TRAPPC9: variants seen among roughly 807,000 people sequenced by gnomAD.
TRAPPC9 encodes IKK2 binding protein.
In TRAPPC9, 83 loss-of-function variants were observed where a neutral mutation model predicts 124.0. That is an observed-to-expected ratio of 0.67 (90% CI 0.56 to 0.80). The LOEUF (loss-of-function observed/expected upper bound fraction) is 0.80. Ranked by LOEUF, TRAPPC9 falls within the 30% of genes least tolerant of loss-of-function variation. The pLI is 0.00. For missense variants in TRAPPC9, 1,302 were observed against 1,508.3 expected (o/e 0.86, Z 2.27); for synonymous variants, 638 against 617.5 (o/e 1.03, Z -0.49).
chr8:139,974,666 G>C (rs576406794), intron 19 of TRAPPC9, among the ~76,000 whole-genome samples: 2 of 152,052 alleles, frequency 1.3e-5, no homozygotes, highest in Non-Finnish European at 2.9e-5. Flanking sequence ...CATCCCTGTA[G>C]ACAAGGGAGG....
At chr8:140,237,531 C>G (rs933949283) in intron 16 of TRAPPC9, among the ~76,000 whole-genome samples, 1 of 151,888 alleles carries the variant, frequency 6.6e-6, no homozygotes, top group Non-Finnish European at 1.5e-5. Flanking sequence ...AGGAGCCAGG[C>G]AGTGTTTTTT....
chr8:140,237,921 G>C (rs770473683), intron 16 of TRAPPC9, among the ~76,000 whole-genome samples: 3 of 152,186 alleles, frequency 2.0e-5, no homozygotes, highest in African/African-American at 4.8e-5. Context: ...GCAGTGACGC[G>C]GACACGAGGA....
In TRAPPC9 at chr8:140,084,989, A is replaced by G. The variant is rs117181837; in HGVS notation, c.2557-60910T>C. Among the ~76,000 whole-genome samples, 345 of 152,320 alleles carry G rather than the reference A, an allele frequency of 2.3e-3. 4 individuals carry two copies. In the East Asian group the frequency reaches 0.03, roughly 13 times the overall value. On this transcript the variant is annotated intron_variant, in intron 17 of 22. Coordinates refer to ENST00000438773, the MANE Select transcript of TRAPPC9 (RefSeq NM_001160372.4). ...AGCGTTAGGCTGGACTCCGAGGCCT[A>G]TGCTCGCAACGCTCGACTCTGAAAG...
chr8:140,343,958 T>C (rs1289178477), intron 9 of TRAPPC9, among the ~76,000 whole-genome samples: 1 of 151,040 alleles, frequency 6.6e-6, no homozygotes, highest in Non-Finnish European at 1.5e-5. Flanking sequence ...CGAGACAGAG[T>C]GGAGGGAACG....
chr8:139,957,175 C>T (rs924496519), intron 19 of TRAPPC9, among the ~76,000 whole-genome samples: 13 of 152,232 alleles, frequency 8.5e-5, no homozygotes, highest in African/African-American at 2.9e-4. Flanking sequence ...CACCCTAGTC[C>T]GGAAGCTTGG....
At chr8:140,149,804 C>A (rs1201867152) in intron 17 of TRAPPC9, among the ~76,000 whole-genome samples, 2 of 144,914 alleles carry the variant, frequency 1.4e-5, no homozygotes, top group African/African-American at 5.2e-5. Context: ...GAAAGGTCTG[C>A]TCGCCTTGAC....
Position 140,183,938 on chromosome 8 carries a change from A to G in TRAPPC9, c.2556+37521T>C, listed in dbSNP as rs1357951797. Among the ~76,000 whole-genome samples the G allele has an allele frequency of 9.6e-3, 240 of 24,952 alleles. 9 individuals carry two copies. The highest frequency in any genetic ancestry group is 0.024 in the African/African-American group (207 of 8,544). The allele number at this position is 24,952 out of a possible 152,430, so 16.4% of individuals were successfully genotyped here. A position where few individuals can be genotyped will look rare whatever the true frequency, so the allele number is the denominator to read the frequency against. On this transcript the variant is annotated intron_variant, in intron 17 of 22. Coordinates refer to ENST00000438773, the MANE Select transcript of TRAPPC9 (RefSeq NM_001160372.4). ...AGAGGAGAGGAGAGGAGAGGAGAGG[A>G]GAGGAGAGGAGAGGGGAGGGGAGGG...
chr8:140,221,619 C>T (rs2063340609), intron 16 of TRAPPC9, 36 bp from the exon 17 acceptor site: 2 of 1,599,794 alleles, frequency 1.3e-6, no homozygotes, highest in African/African-American at 1.3e-5. Context: ...AGTAACACGT[C>T]AGCTTGGTTT....
chr8:140,194,570 G>A (rs2062589788), intron 17 of TRAPPC9, among the ~76,000 whole-genome samples: 1 of 152,118 alleles, frequency 6.6e-6, no homozygotes, highest in Non-Finnish European at 1.5e-5. Flanking sequence ...CATGGACACA[G>A]AGGCCAACTG....
intron 21 of TRAPPC9, among the ~76,000 whole-genome samples, chr8:139,882,409 G>A (rs1168052416): frequency 6.6e-6 from 1 of 152,184 alleles, no homozygotes; most frequent in African/African-American, 2.4e-5. Flanking sequence ...CCACAGAGGG[G>A]ACTGAAGCAC....
At chr8:140,406,318 A>G (rs185042133) in intron 5 of TRAPPC9, among the ~76,000 whole-genome samples, 1 of 152,320 alleles carries the variant, frequency 6.6e-6, no homozygotes, top group Admixed American at 6.5e-5. Flanking sequence ...ATATTCATTG[A>G]CTTCACAGAA....
Position 139,907,336 on chromosome 8 carries a change from T to G in TRAPPC9, c.2964+2811A>C, listed in dbSNP as rs1831424456. 6.6e-6 allele frequency among the ~76,000 whole-genome samples: 1 copy of G among 152,172 alleles called. No individual in the cohort carries two copies. Among genetic ancestry groups the G allele is most frequent in the Non-Finnish European group, 1.5e-5 (1 of 68,030 alleles). Reference sequence around the variant, plus strand: ...GCTACAACTATGGACGGGTATCAAATTAAGCTCAAATGTTTGTAAAAAGTC... The same window carrying G: ...GCTACAACTATGGACGGGTATCAAAGTAAGCTCAAATGTTTGTAAAAAGTC... On this transcript the variant is annotated intron_variant, in intron 20 of 22. Coordinates refer to ENST00000438773, the MANE Select transcript of TRAPPC9 (RefSeq NM_001160372.4). The surrounding 1 kb of genome is among the most constrained non-coding windows in gnomAD (Gnocchi z 4.7).
chr8:140,008,287 C>T (rs1340384220), intron 18 of TRAPPC9, among the ~76,000 whole-genome samples: 1 of 152,200 alleles, frequency 6.6e-6, no homozygotes, highest in African/African-American at 2.4e-5. Flanking sequence ...CCAGTTTGTT[C>T]TCCAGCCTCC....
intron 4 of TRAPPC9, among the ~76,000 whole-genome samples, chr8:140,427,725 C>T (rs1452794861): frequency 6.6e-6 from 1 of 152,138 alleles, no homozygotes; most frequent in African/African-American, 2.4e-5. Context: ...ATGGAAATAG[C>T]ACATGTATTC....
At chr8:140,293,571 T>C (rs955892432) in intron 11 of TRAPPC9, among the ~76,000 whole-genome samples, 3 of 152,178 alleles carry the variant, frequency 2.0e-5, no homozygotes, top group African/African-American at 7.2e-5. Flanking sequence ...TGTAGGGACA[T>C]GGATGAAATT....
At chr8:140,294,253 A>G (rs1476682018) in intron 11 of TRAPPC9, among the ~76,000 whole-genome samples, 2 of 151,932 alleles carry the variant, frequency 1.3e-5, no homozygotes, top group Non-Finnish European at 2.9e-5. Context: ...AGGACCTTCA[A>G]TGGGAGGGAG....
In TRAPPC9 at chr8:139,872,388, G is replaced by GTGGATGGGTGGA. The variant is rs58789801; in HGVS notation, c.3055+13490_3055+13491insTCCACCCATCCA. Among the ~76,000 whole-genome samples, 39 of 74,890 alleles carry GTGGATGGGTGGA rather than the reference G, an allele frequency of 5.2e-4. 2 individuals are homozygous for GTGGATGGGTGGA. The highest frequency in any genetic ancestry group is 7.8e-4 in the Admixed American group (5 of 6,412). The allele number at this position is 74,890 out of a possible 152,430, so 49.1% of individuals were successfully genotyped here. On this transcript the variant is annotated intron_variant, in intron 21 of 22. Coordinates refer to ENST00000438773, the MANE Select transcript of TRAPPC9 (RefSeq NM_001160372.4). ...GATGGGTAAATGGTTGGATAAGTGG[G>GTGGATGGGTGGA]TGGATGGATGGATGGATGGATGGAT...
intron 13 of TRAPPC9, among the ~76,000 whole-genome samples, chr8:140,284,237 G>A (rs2065419734): frequency 1.3e-5 from 2 of 152,152 alleles, no homozygotes. Context: ...CTGCATTCCT[G>A]TTTCACAAGG....
At chr8:140,125,530 C>T (rs1473582579) in intron 17 of TRAPPC9, among the ~76,000 whole-genome samples, 1 of 151,056 alleles carries the variant, frequency 6.6e-6, no homozygotes, top group Non-Finnish European at 1.5e-5. Flanking sequence ...GTGCAGGGGA[C>T]CTGTGGGTGA....
Sources: allele counts gnomAD v4.1 joint callset (sites outside exome capture counted in the v4.1 genomes callset), GRCh38; gene constraint gnomAD v4.1.1; non-coding constraint Gnocchi (gnomAD v3.1); transcripts MANE v1.5; gene names NCBI Gene and HGNC (gene_info 2026-07-23, HGNC 2026-07-21).